Variants in NRG2 observed in about 807,000 individuals in gnomAD.
NRG2 encodes pro-neuregulin-2, membrane-bound isoform.
NRG2 carries 27 observed loss-of-function variants against 73.9 expected under a neutral mutation model. The ratio of observed to expected loss-of-function variants is 0.37; its 90% confidence interval spans 0.27 to 0.50. The LOEUF is 0.50. NRG2 is among the 20% of genes least tolerant of loss of function. NRG2 has a pLI of 0.96. For missense variants in NRG2, 1,126 were observed against 1,210.1 expected, an observed-to-expected ratio of 0.93 and a Z score of 1.03; for synonymous variants, 532 against 541.0, an observed-to-expected ratio of 0.98 and a Z score of 0.23.
chr5:139,945,856 A>G (rs1197606140), intron 1 of NRG2, among the ~76,000 whole-genome samples: 1 of 152,098 alleles, frequency 6.6e-6, no homozygotes, highest in African/African-American at 2.4e-5. Flanking sequence ...AAACAATTCC[A>G]TTTATAATAG....
chr5:140,021,991 C>T (rs1199506406), intron 1 of NRG2, among the ~76,000 whole-genome samples: 4 of 152,138 alleles, frequency 2.6e-5, no homozygotes, highest in Non-Finnish European at 4.4e-5. Flanking sequence ...AATTCTACAT[C>T]TCCAGTCCAA....
intron 1 of NRG2, among the ~76,000 whole-genome samples, chr5:139,896,675 A>G (rs188642426): frequency 7.9e-5 from 12 of 152,254 alleles, no homozygotes; most frequent in Admixed American, 7.8e-4. Context: ...TTTATCTGTG[A>G]CAACCCTGTG....
At chr5:139,855,838 G>T in intron 5 of NRG2, 60 bp from the exon 6 acceptor site, 2 of 1,339,464 alleles carry the variant, frequency 1.5e-6, no homozygotes, top group Non-Finnish European at 2.1e-6. Context: ...AGGGATAGTG[G>T]TGCAGAGACC....
intron 1 of NRG2, chr5:140,019,468 C>T (rs749020781): frequency 7.9e-5 from 12 of 152,270 alleles, no homozygotes; most frequent in Non-Finnish European, 1.2e-4. Context: ...TTCAGACTGG[C>T]TCTTCCTAGA....
In NRG2 at chr5:140,042,903, ATGCTGCTGTTGT is replaced by A; in HGVS notation, c.155_166del (p.Asn52_Ser55del). ...CTCTGGGGGCGCAGCGGGACGAGAG[ATGCTGCTGTTGT>A]TGCTGCTGCTCCTGCTGCTGCTGCC... On this transcript the variant is annotated inframe_deletion, in exon 1 of 10. Coordinates refer to ENST00000361474, the MANE Select transcript of NRG2 (RefSeq NM_004883.3). The A allele has an allele frequency of 6.5e-7, 1 of 1,528,280 alleles. No homozygotes were observed. The highest frequency in any genetic ancestry group is 8.8e-7 in the Non-Finnish European group (1 of 1,137,238). 94.7% of individuals were successfully genotyped at this position (1,528,280 alleles called of 1,614,324 possible). A position where few individuals can be genotyped will look rare whatever the true frequency, so the allele number is the denominator to read the frequency against.
intron 1 of NRG2, among the ~76,000 whole-genome samples, chr5:140,007,397 TG>T (rs761720563): frequency 1.9e-4 from 29 of 151,928 alleles, no homozygotes; most frequent in Non-Finnish European, 3.5e-4. Flanking sequence ...AGCTTCCAAT[TG>T]GAGAAAAAGA....
chr5:139,849,000 C>T (rs1761230657), intron 9 of NRG2, among the ~76,000 whole-genome samples: 1 of 152,148 alleles, frequency 6.6e-6, no homozygotes, highest in African/African-American at 2.4e-5. Flanking sequence ...CCCTGGTAAG[C>T]TTTCATGAAT....
At chr5:140,026,292 T>C (rs776640752) in intron 1 of NRG2, among the ~76,000 whole-genome samples, 59 of 152,134 alleles carry the variant, frequency 3.9e-4, no homozygotes, top group Non-Finnish European at 7.8e-4. Context: ...CCACAGGAAA[T>C]AGGAAGCTAT....
intron 1 of NRG2, among the ~76,000 whole-genome samples, chr5:139,928,520 G>T (rs13175054): frequency 0.15 from 23,158 of 152,082 alleles, 1,964 homozygotes; most frequent in South Asian, 0.25. Flanking sequence ...TATGAACCCC[G>T]GACCTGGGCC....
At chr5:139,882,524 C>A (rs758608084) in intron 2 of NRG2, among the ~76,000 whole-genome samples, 1 of 152,214 alleles carries the variant, frequency 6.6e-6, no homozygotes, top group Non-Finnish European at 1.5e-5. Context: ...CCTCTTCTGT[C>A]AATTATAATT....
intron 1 of NRG2, among the ~76,000 whole-genome samples, chr5:139,897,841 CG>C (rs1413544654): frequency 1.3e-5 from 2 of 152,146 alleles, no homozygotes; most frequent in East Asian, 3.9e-4. Context: ...ATAATGAAGT[CG>C]GGGCCCTGAC....
rs1415955400 is a variant in NRG2 at position 139,881,125 on chromosome 5, G to C, written c.873-151C>G. ...GATTCCCTCCCCCCAGCAATTTCTG[G>C]AGTCCAGGTGGGGCACGGAGTCCCT... On this transcript the variant is annotated intron_variant, in intron 2 of 9. Transcript: ENST00000361474. The C allele has an allele frequency of 7.7e-6, 5 of 649,444 alleles. No homozygotes were observed. In the Admixed American group the frequency reaches 1.3e-4, roughly 17 times the overall value. 40.2% of individuals were successfully genotyped at this position (649,444 alleles called of 1,614,324 possible). A position where few individuals can be genotyped will look rare whatever the true frequency, so the allele number is the denominator to read the frequency against.
chr5:139,871,491 G>A (rs549993499), intron 4 of NRG2, among the ~76,000 whole-genome samples: 25 of 152,278 alleles, frequency 1.6e-4, no homozygotes, highest in African/African-American at 6.0e-4. Context: ...AGGAGATGGG[G>A]TGGGTAGGGG....
At chr5:140,040,167 A>G (rs1018274195) in intron 1 of NRG2, among the ~76,000 whole-genome samples, 1 of 152,310 alleles carries the variant, frequency 6.6e-6, no homozygotes, top group East Asian at 1.9e-4. Flanking sequence ...AAGGCTCCCC[A>G]AAATGGTACC....
intron 6 of NRG2, among the ~76,000 whole-genome samples, chr5:139,855,400 G>T (rs750633851): frequency 1.3e-5 from 2 of 152,230 alleles, no homozygotes; most frequent in Non-Finnish European, 2.9e-5. Context: ...AGCAGAGCTG[G>T]ATTTGAACCC....
intron 4 of NRG2, among the ~76,000 whole-genome samples, chr5:139,871,366 A>G (rs1179114584): frequency 3.9e-5 from 6 of 151,928 alleles, no homozygotes; most frequent in Admixed American, 1.3e-4. Context: ...AGAGGGGGGG[A>G]AAGAGAGACT....
chr5:139,848,562 G>A lies in NRG2; in HGVS notation c.1908C>T (p.Pro636=), dbSNP rs879110651. 5 of 1,547,624 alleles carry A rather than the reference G, an allele frequency of 3.2e-6. No homozygotes were observed. In the South Asian group the frequency reaches 3.5e-5, roughly 11 times the overall value. ...AHAVSLPPAA[P]ISYRLAEQQP... is the part of the protein sequence containing the mutation. ...GCTGCTCGGCCAGGCGGTAACTGAT[G>A]GGCGCCGCCGGCGGCAGCGACACGG... Residue 636 remains proline (P), a synonymous_variant, in exon 10 of 10, where the codon CCC becomes CCT. Transcript: ENST00000361474.
At chr5:140,028,870 C>G (rs1760909591) in intron 1 of NRG2, among the ~76,000 whole-genome samples, 1 of 152,088 alleles carries the variant, frequency 6.6e-6, no homozygotes, top group Non-Finnish European at 1.5e-5. Flanking sequence ...GACAATAGAG[C>G]TTTTATCTGG....
At chr5:139,988,475 A>G (rs1446964326) in intron 1 of NRG2, among the ~76,000 whole-genome samples, 2 of 152,070 alleles carry the variant, frequency 1.3e-5, no homozygotes, top group African/African-American at 2.4e-5. Flanking sequence ...GAAAAAAGCT[A>G]TCAAGCCATG....
Sources: gnomAD v4.1 joint callset for allele counts (sites outside exome capture counted in the v4.1 genomes callset) on GRCh38, gnomAD v4.1.1 for gene constraint, MANE v1.5 for transcripts, NCBI Gene and HGNC (gene_info 2026-07-23, HGNC 2026-07-21) for gene names.